SNX29: variants seen among roughly 807,000 people sequenced by gnomAD.
SNX29 encodes sorting nexin-29.
Under a neutral mutation model 102.1 loss-of-function variants are expected in SNX29, and 78 were observed. The ratio of observed to expected loss-of-function variants is 0.76; its 90% confidence interval spans 0.64 to 0.92. SNX29 has a LOEUF of 0.92. Among genes scored for constraint, SNX29 ranks in the 40% least tolerant of loss-of-function variants. The probability of loss-of-function intolerance (pLI) is 0.00; values close to 1 mark genes in which losing one functional copy is unlikely to be tolerated. For synonymous variants in SNX29, 580 were observed against 414.5 expected (o/e 1.40, Z -4.85); for missense variants, 1,280 against 1,061.7 (o/e 1.21, Z -2.86).
At chr16:12,196,328 G>A (rs2076772327) in intron 13 of SNX29, among the ~76,000 whole-genome samples, 1 of 152,114 alleles carries the variant, frequency 6.6e-6, no homozygotes, top group African/African-American at 2.4e-5. Context: ...CTGTTTTGTA[G>A]GGTTACTGTG....
At chr16:12,419,680 C>A (rs1476391630) in intron 18 of SNX29, among the ~76,000 whole-genome samples, 1 of 151,984 alleles carries the variant, frequency 6.6e-6, no homozygotes, top group Non-Finnish European at 1.5e-5. Flanking sequence ...TTGGAAATGT[C>A]CATGCTGCCC....
At chr16:12,403,340 C>T in intron 17 of SNX29, 108 bp from the exon 18 acceptor site, 1 of 1,005,286 alleles carries the variant, frequency 9.9e-7, no homozygotes, top group Non-Finnish European at 1.4e-6. Context: ...ATTGCTTGTG[C>T]ATAATACCTC....
chr16:12,039,067 G>A (rs931278846), intron 4 of SNX29, among the ~76,000 whole-genome samples: 4 of 152,186 alleles, frequency 2.6e-5, no homozygotes, highest in African/African-American at 9.7e-5. Flanking sequence ...TTATTCCTGG[G>A]AAGTTTATTC....
intron 18 of SNX29, among the ~76,000 whole-genome samples, chr16:12,432,579 C>T (rs751326178): frequency 3.3e-5 from 5 of 152,194 alleles, no homozygotes; most frequent in Non-Finnish European, 7.3e-5. Context: ...GGGAACAGCA[C>T]GCTATGTATA....
rs139955082 is a variant in SNX29 at position 12,249,619 on chromosome 16, C to T, written c.1679-28314C>T. Among the ~76,000 whole-genome samples the T allele has an allele frequency of 2.0e-5, 3 of 152,336 alleles. No homozygotes were observed. In the East Asian group the frequency reaches 5.8e-4, roughly 29 times the overall value. ...CCGGGTCTGAATCTTCATGTAACCA[C>T]TCTCTATTGATAGGACCCCAGGGAA... On this transcript the variant is annotated intron_variant, in intron 14 of 20. Coordinates refer to ENST00000566228, the MANE Select transcript of SNX29 (RefSeq NM_032167.5).
intron 19 of SNX29, among the ~76,000 whole-genome samples, chr16:12,511,839 C>T (rs553377673): frequency 6.6e-6 from 1 of 151,932 alleles, no homozygotes; most frequent in Admixed American, 6.6e-5. Context: ...TCGGGCTGTC[C>T]CACAGCCTCC....
At chr16:12,200,412 C>G (rs959614676) in intron 14 of SNX29, among the ~76,000 whole-genome samples, 3 of 151,786 alleles carry the variant, frequency 2.0e-5, no homozygotes, top group African/African-American at 7.3e-5. Context: ...AAGACCGTAA[C>G]AAAATTTCCT....
In SNX29 at chr16:12,572,301, C is replaced by T. The variant is rs537929482; in HGVS notation, c.*3672C>T. ...TAACAAGTACTGGGGCCAGTGATCA[C>T]AATCCAGGTTGGAAACAGGAGTGAA... On this transcript the variant is annotated 3_prime_UTR_variant, in exon 21 of 21. Coordinates refer to ENST00000566228, the MANE Select transcript of SNX29 (RefSeq NM_032167.5). 1.5e-4 allele frequency: 137 copies of T among 911,630 alleles called. 1 individual carries two copies. The African/African-American group carries it at 6.3e-3, about 42-fold the overall frequency. 56.5% of individuals were successfully genotyped at this position (911,630 alleles called of 1,614,324 possible). A position where few individuals can be genotyped will look rare whatever the true frequency, so the allele number is the denominator to read the frequency against.
intron 13 of SNX29, among the ~76,000 whole-genome samples, chr16:12,195,400 T>C (rs1210483643): frequency 1.3e-5 from 2 of 152,252 alleles, no homozygotes; most frequent in Non-Finnish European, 2.9e-5. Flanking sequence ...AGAAGTAGAC[T>C]TGCTGGGTCA....
At chr16:12,192,651 A>G (rs920698275) in intron 13 of SNX29, among the ~76,000 whole-genome samples, 5 of 152,100 alleles carry the variant, frequency 3.3e-5, no homozygotes, top group African/African-American at 1.2e-4. Context: ...AGCTGGGACT[A>G]CAGGCACATG....
intron 11 of SNX29, among the ~76,000 whole-genome samples, chr16:12,125,557 A>G (rs1403111922): frequency 7.2e-6 from 1 of 139,106 alleles, no homozygotes; most frequent in Non-Finnish European, 1.5e-5. Context: ...GGTGGTTGCT[A>G]TGCAGTGATT....
intron 20 of SNX29, chr16:12,561,124 C>T (rs941997474): frequency 1.8e-5 from 4 of 228,056 alleles, no homozygotes; most frequent in Non-Finnish European, 2.6e-5. Context: ...ACCCATCACG[C>T]AGTCCTGAGG....
At chr16:12,512,400 A>C (rs1490074668) in intron 19 of SNX29, among the ~76,000 whole-genome samples, 1 of 75,908 alleles carries the variant, frequency 1.3e-5, no homozygotes, top group Non-Finnish European at 2.6e-5. Flanking sequence ...ATATATATAT[A>C]TATATATATA....
chr16:12,385,125 C>T (rs916330400), intron 16 of SNX29, among the ~76,000 whole-genome samples: 2 of 152,158 alleles, frequency 1.3e-5, no homozygotes, highest in Non-Finnish European at 1.5e-5. Flanking sequence ...AGCCTGAGAT[C>T]GCGCCACTGC....
intron 14 of SNX29, among the ~76,000 whole-genome samples, chr16:12,223,132 T>G (rs1242829068): frequency 6.6e-6 from 1 of 152,202 alleles, no homozygotes; most frequent in Non-Finnish European, 1.5e-5. Context: ...TCAGACCATG[T>G]AAGGGTGAAC....
intron 20 of SNX29, among the ~76,000 whole-genome samples, chr16:12,551,617 TCTGAGG>T (rs1456777636): frequency 1.3e-5 from 2 of 152,200 alleles, no homozygotes; most frequent in African/African-American, 4.8e-5. Context: ...TAGATCTGAG[TCTGAGG>T]CATCAACCCA....
intron 15 of SNX29, among the ~76,000 whole-genome samples, chr16:12,289,256 G>C (rs964870843): frequency 6.6e-6 from 1 of 152,206 alleles, no homozygotes; most frequent in Non-Finnish European, 1.5e-5. Context: ...CCATGCAGCA[G>C]GAGGAGAAGG....
At chr16:12,426,159 T>C (rs754925385) in intron 18 of SNX29, among the ~76,000 whole-genome samples, 4 of 152,212 alleles carry the variant, frequency 2.6e-5, no homozygotes, top group Non-Finnish European at 5.9e-5. Context: ...AGTTATACTG[T>C]TGTGACAAAC....
chr16:12,555,266 G>A (rs988963179), intron 20 of SNX29, among the ~76,000 whole-genome samples: 13 of 151,534 alleles, frequency 8.6e-5, no homozygotes, highest in Non-Finnish European at 1.3e-4. Context: ...CAAACCCAGG[G>A]TATGACCTCC....
Sources: gnomAD v4.1 joint callset for allele counts (sites outside exome capture counted in the v4.1 genomes callset) on GRCh38, gnomAD v4.1.1 for gene constraint, MANE v1.5 for transcripts, NCBI Gene and HGNC (gene_info 2026-07-23, HGNC 2026-07-21) for gene names.